Variants in BLTP3A observed in about 807,000 individuals in gnomAD.
BLTP3A encodes the protein ICBP90 binding protein 1.
chr6:34,820,606 A>AGATAC, the BLTP3A span, among the ~76,000 whole-genome samples: 8 of 150,106 alleles, frequency 5.3e-5, no homozygotes, highest in Admixed American at 2.7e-4. Flanking sequence ...GGATTTATGA[A>AGATAC]GATACTTCAT....
chr6:34,834,792 G>A, the BLTP3A span: 1 of 1,614,044 alleles, frequency 6.2e-7, no homozygotes, highest in Non-Finnish European at 8.5e-7. Flanking sequence ...ATGGTGATCA[G>A]GACCCAGTCA....
chr6:34,826,146 A>G, the BLTP3A span, among the ~76,000 whole-genome samples: 2 of 147,542 alleles, frequency 1.4e-5, no homozygotes, highest in Non-Finnish European at 3.0e-5. Flanking sequence ...CTCCTGCCTC[A>G]GCCTCCTGAG....
chr6:34,865,528 T>C, the BLTP3A span, among the ~76,000 whole-genome samples: 246 of 152,378 alleles, frequency 1.6e-3, no homozygotes, highest in Non-Finnish European at 1.7e-3. Flanking sequence ...TTCTTTGATA[T>C]ACTTTTTTTC....
the BLTP3A span, among the ~76,000 whole-genome samples, chr6:34,815,308 G>A: frequency 5.5e-4 from 84 of 152,162 alleles, no homozygotes; most frequent in African/African-American, 2.0e-3. Context: ...GGAGTGTGGT[G>A]GTATGATCTC....
the BLTP3A span, chr6:34,792,314 C>T: frequency 2.0e-6 from 3 of 1,536,950 alleles, no homozygotes; most frequent in South Asian, 1.2e-5. Context: ...CCAGCGCCGG[C>T]CCCCGGCGGT....
the BLTP3A span, chr6:34,792,361 G>C: frequency 7.1e-7 from 1 of 1,415,216 alleles, no homozygotes. Context: ...CCTCCTCCCT[G>C]ACGCCGCGCT....
chr6:34,854,990 A>C, the BLTP3A span, among the ~76,000 whole-genome samples: 3 of 152,360 alleles, frequency 2.0e-5, no homozygotes, highest in South Asian at 6.2e-4. Flanking sequence ...TTCATTTAGT[A>C]AGAATTAAAT....
the BLTP3A span, chr6:34,836,464 C>G: frequency 6.2e-5 from 61 of 976,116 alleles, no homozygotes; most frequent in Non-Finnish European, 8.9e-5. Context: ...TGGTTGGCTT[C>G]CCTTAATCAC....
At chr6:34,866,771 GATTCTACTTT>G in the BLTP3A span, among the ~76,000 whole-genome samples, 3 of 152,228 alleles carry the variant, frequency 2.0e-5, no homozygotes, top group Admixed American at 2.0e-4. Flanking sequence ...TGACAACCAT[GATTCTACTTT>G]ATTTTTATAA....
At chr6:34,828,835 A>G in the BLTP3A span, among the ~76,000 whole-genome samples, 4 of 151,914 alleles carry the variant, frequency 2.6e-5, no homozygotes, top group African/African-American at 7.3e-5. Flanking sequence ...TGAAACCAGC[A>G]TGGCCAACAT....
the BLTP3A span, chr6:34,872,326 C>G: frequency 2.4e-5 from 38 of 1,608,410 alleles, no homozygotes; most frequent in East Asian, 8.2e-4. Context: ...AAAGAACTGC[C>G]TATCCTACAA....
the BLTP3A span, among the ~76,000 whole-genome samples, chr6:34,792,571 C>T: frequency 6.6e-6 from 1 of 152,104 alleles, no homozygotes; most frequent in African/African-American, 2.4e-5. Context: ...TGGACTTTTT[C>T]TTTCCCCTCA....
chr6:34,840,507 A>G, the BLTP3A span, among the ~76,000 whole-genome samples: 1 of 151,400 alleles, frequency 6.6e-6, no homozygotes, highest in Non-Finnish European at 1.5e-5. Context: ...TGGAGGTTGC[A>G]GTGAGCCAAG....
chr6:34,824,558 C>CAAAAA, the BLTP3A span, among the ~76,000 whole-genome samples: 4 of 107,178 alleles, frequency 3.7e-5, no homozygotes, highest in African/African-American at 1.3e-4. Flanking sequence ...AACTCCATCT[C>CAAAAA]AAAAAAAAAA....
At chr6:34,848,248 C>T in the BLTP3A span, among the ~76,000 whole-genome samples, 5 of 150,940 alleles carry the variant, frequency 3.3e-5, no homozygotes, top group African/African-American at 7.3e-5. Flanking sequence ...TGCACCAGTG[C>T]ACTCCAGCCC....
At chr6:34,806,629 A>G in the BLTP3A span, among the ~76,000 whole-genome samples, 3 of 152,276 alleles carry the variant, frequency 2.0e-5, no homozygotes, top group Middle Eastern at 3.4e-3. Context: ...ACACTTCTCT[A>G]AATAGCTCTT....
At chr6:34,808,629 G>A in the BLTP3A span, among the ~76,000 whole-genome samples, 6 of 151,942 alleles carry the variant, frequency 3.9e-5, no homozygotes, top group African/African-American at 1.4e-4. Flanking sequence ...TGTTGCCCAG[G>A]CTGGAGTGCA....
At chr6:34,836,955 A>T in the BLTP3A span, among the ~76,000 whole-genome samples, 1 of 152,222 alleles carries the variant, frequency 6.6e-6, no homozygotes, top group Non-Finnish European at 1.5e-5. Context: ...TTTCTGCTTA[A>T]CCTGTTTGAG....
At chr6:34,862,845 A>C in the BLTP3A span, among the ~76,000 whole-genome samples, 2 of 151,680 alleles carry the variant, frequency 1.3e-5, no homozygotes, top group African/African-American at 4.8e-5. Flanking sequence ...AAAAAAAAAA[A>C]AACCAAAAAC....
Sources: gnomAD v4.1 joint callset for allele counts (sites outside exome capture counted in the v4.1 genomes callset) on GRCh38, gnomAD v4.1.1 for gene constraint, MANE v1.5 for transcripts, NCBI Gene and HGNC (gene_info 2026-07-23, HGNC 2026-07-21) for gene names.